Variants in SGCD observed in about 807,000 individuals in gnomAD.
The protein encoded by SGCD is delta-sarcoglycan.
A neutral mutation model predicts 36.6 loss-of-function variants in SGCD; 18 were observed. That is an observed-to-expected ratio of 0.49 (90% CI 0.34 to 0.73). The LOEUF is 0.73. Ranked by LOEUF, SGCD falls within the 30% of genes least tolerant of loss-of-function variation. The pLI, the probability that SGCD is intolerant of heterozygous loss-of-function variation, is 0.01. For missense variants in SGCD, 387 were observed against 346.7 expected (o/e 1.12, Z -0.92); for synonymous variants, 133 against 130.6 (o/e 1.02, Z -0.12).
rs865790751 is a variant in SGCD, at chr5:156,268,564, C to T, written c.-43-60970C>T. 8.7e-4 allele frequency among the ~76,000 whole-genome samples: 130 copies of T among 149,576 alleles called. No individual in the cohort carries two copies. In the Middle Eastern group the frequency reaches 0.02, roughly 23 times the overall value. ...GCTATCTCATTGTGGTTTTGATTTG[C>T]TCCTTCCTTCCTTCCTTCCTTCCTT... On this transcript the variant is annotated intron_variant, in intron 3 of 9. Transcript: ENST00000517913.
intron 1 of SGCD, among the ~76,000 whole-genome samples, chr5:155,916,184 A>G (rs187930026): frequency 6.6e-5 from 10 of 152,202 alleles, no homozygotes; most frequent in Admixed American, 6.5e-4. Context: ...GAGTCCTTTT[A>G]TTTCCCATGA....
chr5:155,890,040 T>A (rs1756087590), intron 1 of SGCD, among the ~76,000 whole-genome samples: 1 of 152,210 alleles, frequency 6.6e-6, no homozygotes, highest in Non-Finnish European at 1.5e-5. Context: ...GTGCAGATTC[T>A]AAGACTCCAG....
chr5:156,513,170 T>C (rs1322831521), intron 4 of SGCD, among the ~76,000 whole-genome samples: 2 of 152,214 alleles, frequency 1.3e-5, no homozygotes, highest in Non-Finnish European at 2.9e-5. Flanking sequence ...TCTAAGATGA[T>C]GATTTAGTCC....
At chr5:156,193,038 A>G (rs376972893) in intron 3 of SGCD, among the ~76,000 whole-genome samples, 11 of 151,912 alleles carry the variant, frequency 7.2e-5, no homozygotes, top group Middle Eastern at 3.2e-3. Context: ...ACGAAATATT[A>G]TTTTAATTGT....
intron 3 of SGCD, among the ~76,000 whole-genome samples, chr5:156,190,196 A>T (rs1182773829): frequency 6.6e-6 from 1 of 152,200 alleles, no homozygotes; most frequent in Non-Finnish European, 1.5e-5. Flanking sequence ...CTCCATTAGT[A>T]GTAGCAAACT....
chr5:156,558,728 G>A (rs2113232288), intron 4 of SGCD, among the ~76,000 whole-genome samples: 1 of 152,240 alleles, frequency 6.6e-6, no homozygotes, highest in Admixed American at 6.5e-5. Context: ...TAATGAGAGA[G>A]GAAAGCCCTA....
chr5:155,979,527 G>A (rs1221106966), intron 1 of SGCD, among the ~76,000 whole-genome samples: 1 of 152,190 alleles, frequency 6.6e-6, no homozygotes, highest in Non-Finnish European at 1.5e-5. Context: ...GGGAAAGAAG[G>A]ACTGAACAGA....
chr5:156,311,990 C>A (rs1197028309), intron 3 of SGCD, among the ~76,000 whole-genome samples: 1 of 152,046 alleles, frequency 6.6e-6, no homozygotes, highest in East Asian at 1.9e-4. Flanking sequence ...AGTAACAGTT[C>A]CATGCCATAG....
intron 7 of SGCD, among the ~76,000 whole-genome samples, chr5:156,711,666 A>T (rs1755000230): frequency 6.6e-6 from 1 of 152,134 alleles, no homozygotes; most frequent in African/African-American, 2.4e-5. Flanking sequence ...CAATTTTTGA[A>T]ATCAGCTTTT....
chr5:155,901,330 A>AT (rs1756385664), intron 1 of SGCD, among the ~76,000 whole-genome samples: 10 of 151,790 alleles, frequency 6.6e-5, no homozygotes, highest in African/African-American at 2.2e-4. Context: ...AAAAAAAAAA[A>AT]GTAACACATG....
At chr5:156,098,034 C>T (rs1022410526) in intron 1 of SGCD, among the ~76,000 whole-genome samples, 2 of 152,130 alleles carry the variant, frequency 1.3e-5, no homozygotes, top group African/African-American at 4.8e-5. Flanking sequence ...GGTCAGGCTG[C>T]CAGATATTTC....
At chr5:155,751,633 T>G in the SGCD span, among the ~76,000 whole-genome samples, 3 of 151,488 alleles carry the variant, frequency 2.0e-5, no homozygotes, top group East Asian at 5.8e-4. Context: ...AAACAATCCC[T>G]CCTAAAATGC....
intron 1 of SGCD, among the ~76,000 whole-genome samples, chr5:155,899,554 T>A (rs1463743845): frequency 6.6e-6 from 1 of 152,174 alleles, no homozygotes; most frequent in Non-Finnish European, 1.5e-5. Context: ...TTTCTTCCCA[T>A]GTGCTGGGAA....
chr5:156,221,727 T>A (rs1561571735), intron 3 of SGCD, among the ~76,000 whole-genome samples: 1 of 152,112 alleles, frequency 6.6e-6, no homozygotes, highest in Non-Finnish European at 1.5e-5. Context: ...AAAGCAAAGC[T>A]GATGATAATA....
At chr5:156,290,607 T>C (rs1687033849) in intron 3 of SGCD, among the ~76,000 whole-genome samples, 1 of 152,172 alleles carries the variant, frequency 6.6e-6, no homozygotes, top group Admixed American at 6.6e-5. Context: ...TCCTGGTACA[T>C]ATTAAATGTA....
At chr5:155,780,216 C>T in the SGCD span, among the ~76,000 whole-genome samples, 1 of 152,054 alleles carries the variant, frequency 6.6e-6, no homozygotes, top group Non-Finnish European at 1.5e-5. Context: ...AAGTTCTTTC[C>T]CCTAAACAGC....
At position 156,159,136 on chromosome 5, in the gene SGCD, C is replaced by G. The variant is rs189809440; in HGVS notation, c.-44+35117C>G. On this transcript the variant is annotated intron_variant, in intron 3 of 9. Transcript: ENST00000517913. Reference sequence around the variant, plus strand: ...CCATTATAGGAATGGTAATATCTGTCTTGGCTATTTTGCAAGATTATTTGG... The same window carrying G: ...CCATTATAGGAATGGTAATATCTGTGTTGGCTATTTTGCAAGATTATTTGG... 3.7e-3 allele frequency among the ~76,000 whole-genome samples: 560 copies of G among 151,624 alleles called. 5 individuals carry two copies. The highest frequency in any genetic ancestry group is 6.4e-3 in the Non-Finnish European group (437 of 68,012).
intron 1 of SGCD, among the ~76,000 whole-genome samples, chr5:155,931,441 A>G (rs537690714): frequency 3.3e-5 from 5 of 152,342 alleles, no homozygotes; most frequent in African/African-American, 1.2e-4. Flanking sequence ...TCAGTTACAC[A>G]TACACCCAAA....
At chr5:156,272,989 T>C (rs1050841659) in intron 3 of SGCD, among the ~76,000 whole-genome samples, 1 of 152,218 alleles carries the variant, frequency 6.6e-6, no homozygotes, top group African/African-American at 2.4e-5. Context: ...GAAAAAATGT[T>C]TGCTGGCCCC....
Sources: allele counts gnomAD v4.1 joint callset (sites outside exome capture counted in the v4.1 genomes callset), GRCh38; gene constraint gnomAD v4.1.1; transcripts MANE v1.5; gene names NCBI Gene and HGNC (gene_info 2026-07-23, HGNC 2026-07-21).